POTEF: variants seen among roughly 807,000 people sequenced by gnomAD.
POTEF encodes the protein ANKRD26-like family C member 1B.
Under a neutral mutation model 83.2 loss-of-function variants are expected in POTEF, and 20 were observed. The observed-to-expected ratio is 0.24, with a 90% CI of 0.17 to 0.35. The LOEUF (loss-of-function observed/expected upper bound fraction) is 0.35. Among genes scored for constraint, POTEF ranks in the 10% least tolerant of loss-of-function variants. The pLI is 1.00. For synonymous variants in POTEF, 196 were observed against 446.4 expected (o/e 0.44, Z 7.07); for missense variants, 550 against 1,203.2 (o/e 0.46, Z 8.03).
chr2:130,112,948 T>C (rs1456522972), intron 5 of POTEF, among the ~76,000 whole-genome samples: 3 of 151,992 alleles, frequency 2.0e-5, no homozygotes, highest in African/African-American at 4.9e-5. Context: ...CCTCTACTTA[T>C]TGAAAGACTA....
chr2:130,121,388 C>T (rs1685000667), intron 2 of POTEF, among the ~76,000 whole-genome samples: 1 of 140,796 alleles, frequency 7.1e-6, no homozygotes, highest in African/African-American at 2.7e-5. Context: ...TGAAAAAAGC[C>T]CCCAGGACAC....
At chr2:130,126,303 C>CAAAAA (rs754556482) in intron 2 of POTEF, among the ~76,000 whole-genome samples, 11 of 122,638 alleles carry the variant, frequency 9.0e-5, no homozygotes, top group African/African-American at 1.7e-4. Context: ...AACTCCATCT[C>CAAAAA]AAAAAAAAAA....
chr2:130,109,686 C>A (rs1270774062), intron 7 of POTEF: 1 of 150,506 alleles, frequency 6.6e-6, no homozygotes, highest in African/African-American at 2.5e-5. Context: ...CCCTTTAGAA[C>A]AAGCCCACCT....
intron 3 of POTEF, among the ~76,000 whole-genome samples, chr2:130,119,359 G>A (rs1012106329): frequency 1.3e-5 from 2 of 151,640 alleles, no homozygotes; most frequent in African/African-American, 4.9e-5. Context: ...GTAGAGACAG[G>A]GTTTCACCGT....
At chr2:130,104,458 T>C in intron 8 of POTEF, among the ~76,000 whole-genome samples, 1 of 149,076 alleles carries the variant, frequency 6.7e-6, no homozygotes, top group East Asian at 2.0e-4. Context: ...TTTTTCATTT[T>C]GTTATTTATA....
At position 130,075,092 on chromosome 2, in the gene POTEF, G is replaced by A. The variant is rs200608162; in HGVS notation, c.2380C>T (p.Leu794=). Reference sequence around the variant, plus strand: ...GGGTGCTCCTCGGGAGCCACACGCAGCTCGTTGTAGAAGGTGTGGTGCCAG... The same window carrying A: ...GGGTGCTCCTCGGGAGCCACACGCAACTCGTTGTAGAAGGTGTGGTGCCAG... ...KIWHHTFYNE[L]RVAPEEHPVL... is the part of the protein sequence containing the mutation. The change falls in exon 17 of 17, where the codon CTG becomes TTG. Residue 794 remains leucine (L), a synonymous_variant. Transcript: ENST00000409914. 5.6e-6 allele frequency: 9 copies of A among 1,613,702 alleles called. No homozygotes were observed. The highest frequency in any genetic ancestry group is 1.3e-5 in the African/African-American group (1 of 74,746).
At chr2:130,108,398 A>G (rs2923842) in intron 7 of POTEF, among the ~76,000 whole-genome samples, 2 of 151,962 alleles carry the variant, frequency 1.3e-5, no homozygotes, top group African/African-American at 4.9e-5. Context: ...TTGTTCTTGG[A>G]CAACTTGCTT....
chr2:130,074,888 T>A lies in POTEF; in HGVS notation c.2584A>T (p.Thr862Ser). Residue 862 changes from threonine to serine, a missense_variant, in exon 17 of 17, where the codon ACT becomes TCT. Thr to Ser is a moderately conservative substitution (Grantham distance 58, BLOSUM62 1). Transcript: ENST00000409914. Reference sequence around the variant, plus strand: ...GCATTCCCCTCATAGATGGGCACAGTGTGGGTGACCCCGTCACCAGAGTCC... The same window carrying A: ...GCATTCCCCTCATAGATGGGCACAGAGTGGGTGACCCCGTCACCAGAGTCC... ...VMDSGDGVTH[T>S]VPIYEGNALP... The A allele has an allele frequency of 6.3e-7, 1 of 1,584,230 alleles. No homozygotes were observed. The highest frequency in any genetic ancestry group is 8.6e-7 in the Non-Finnish European group (1 of 1,165,342).
chr2:130,126,320 AAAAAG>A (rs1558898660), intron 2 of POTEF, among the ~76,000 whole-genome samples: 1 of 151,688 alleles, frequency 6.6e-6, no homozygotes, highest in African/African-American at 2.4e-5. Flanking sequence ...AAAAAAAAAA[AAAAAG>A]AAAGAAAACA....
intron 11 of POTEF, among the ~76,000 whole-genome samples, chr2:130,095,183 A>G (rs1165421896): frequency 4.4e-5 from 4 of 90,308 alleles, no homozygotes; most frequent in Admixed American, 1.4e-4. Flanking sequence ...GCATGCTGCC[A>G]CACCCGGTTA....
At chr2:130,123,631 G>GA (rs1363750864) in intron 2 of POTEF, among the ~76,000 whole-genome samples, 2 of 151,472 alleles carry the variant, frequency 1.3e-5, no homozygotes, top group Non-Finnish European at 2.9e-5. Context: ...TATTTACATA[G>GA]AAAAAAGGAA....
intron 8 of POTEF, among the ~76,000 whole-genome samples, chr2:130,105,137 A>G (rs907733709): frequency 3.6e-5 from 5 of 140,676 alleles, no homozygotes; most frequent in African/African-American, 1.4e-4. Flanking sequence ...TCACTAAATC[A>G]TATTGACGAT....
Position 130,118,146 on chromosome 2 carries a change from T to C in POTEF, c.521+1849A>G, listed in dbSNP as rs893169217. ...TAGTAGAGATGGGATTTCACCACAC[T>C]GGCCAGGCTGGTCTCAAACTCCTGA... is the stretch of plus-strand genomic sequence containing the variant. On this transcript the variant is annotated intron_variant, in intron 3 of 16. Coordinates refer to ENST00000409914, the MANE Select transcript of POTEF (RefSeq NM_001099771.2). Among the ~76,000 whole-genome samples, 10 of 151,776 alleles carry C rather than the reference T, an allele frequency of 6.6e-5. 1 individual carries two copies. The highest frequency in any genetic ancestry group is 1.5e-4 in the Non-Finnish European group (10 of 67,980).
chr2:130,113,443 T>C (rs1684764620), intron 5 of POTEF, among the ~76,000 whole-genome samples: 1 of 142,422 alleles, frequency 7.0e-6, no homozygotes, highest in South Asian at 2.3e-4. Context: ...TTCTGAGACA[T>C]AAGAATTTAC....
intron 11 of POTEF, among the ~76,000 whole-genome samples, chr2:130,097,320 GT>G (rs1417648235): frequency 2.1e-5 from 1 of 48,530 alleles, no homozygotes; most frequent in Non-Finnish European, 3.8e-5. Context: ...AGTGTGGACA[GT>G]TCTTTTAAGG....
At chr2:130,118,226 C>T (rs958857256) in intron 3 of POTEF, among the ~76,000 whole-genome samples, 3 of 151,900 alleles carry the variant, frequency 2.0e-5, no homozygotes, top group Non-Finnish European at 4.4e-5. Context: ...AGGCGTAAGC[C>T]ACTGTACCCG....
intron 3 of POTEF, among the ~76,000 whole-genome samples, chr2:130,119,233 G>A (rs1188120834): frequency 6.7e-6 from 1 of 149,668 alleles, no homozygotes; most frequent in Non-Finnish European, 1.5e-5. Context: ...GCACTATCTC[G>A]GCTCACTGCA....
rs188137698 is a variant in POTEF, at chr2:130,116,228, T to C, written c.522-900A>G. ...AATAGCATGGGCTCATTTTTGTCAA[T>C]ACTTAGATTTATACAATGTATGTAC... On this transcript the variant is annotated intron_variant, in intron 3 of 16. Coordinates refer to ENST00000409914, the MANE Select transcript of POTEF (RefSeq NM_001099771.2). Among the ~76,000 whole-genome samples, 1,113 of 151,430 alleles carry C rather than the reference T, an allele frequency of 7.3e-3. 36 individuals carry two copies. The highest frequency in any genetic ancestry group is 0.024 in the African/African-American group (976 of 40,658).
chr2:130,100,641 T>C lies in POTEF; in HGVS notation c.1242+35A>G, dbSNP rs1684343113. The C allele has an allele frequency of 9.6e-6, 15 of 1,561,840 alleles. No homozygotes were observed. In the East Asian group the frequency reaches 3.4e-4, roughly 35 times the overall value. ...TGTTAAACAACATAATGTAAAAATC[T>C]AATTCAACAGAAACATTTGAATATG... On this transcript the variant is annotated intron_variant, in intron 10 of 16. Transcript: ENST00000409914.
Sources: allele counts gnomAD v4.1 joint callset (sites outside exome capture counted in the v4.1 genomes callset), GRCh38; gene constraint gnomAD v4.1.1; transcripts MANE v1.5; gene names NCBI Gene and HGNC (gene_info 2026-07-23, HGNC 2026-07-21).